CPNE7: variants seen among roughly 807,000 people sequenced by gnomAD.
CPNE7 encodes copine-7.
Under a neutral mutation model 66.5 loss-of-function variants are expected in CPNE7, and 78 were observed. The ratio of observed to expected loss-of-function variants is 1.17; its 90% confidence interval spans 0.98 to 1.42. The LOEUF is 1.42. Among genes scored for constraint, CPNE7 ranks in the 40% most tolerant of loss-of-function variants. The pLI is 0.00. For missense variants in CPNE7, 1,012 were observed against 776.6 expected, an observed-to-expected ratio of 1.30 and a Z score of -3.60; for synonymous variants, 468 against 336.7, an observed-to-expected ratio of 1.39 and a Z score of -4.27.
Position 89,588,740 on chromosome 16 carries a change from C to T in CPNE7, c.993C>T (p.Asn331=), listed in dbSNP as rs140287911. Residue 331 remains asparagine (N), a synonymous_variant, in exon 10 of 15, where the codon AAC becomes AAT. Transcript: ENST00000319518. ...PRNSCSLHYI[N]PYQPNEYLKA... Reference sequence around the variant, plus strand: ...ACAGCTGCTCCCTGCACTACATCAACCCCTACCAGCCGAACGAGTACCTGA... The same window carrying T: ...ACAGCTGCTCCCTGCACTACATCAATCCCTACCAGCCGAACGAGTACCTGA... 1.2e-4 allele frequency: 187 copies of T among 1,613,586 alleles called. No homozygotes were observed. Among genetic ancestry groups the T allele is most frequent in the Middle Eastern group, 6.6e-4 (4 of 6,080 alleles).
intron 2 of CPNE7, chr16:89,578,732 C>G: frequency 1.5e-6 from 2 of 1,339,266 alleles, no homozygotes; most frequent in South Asian, 1.8e-5. Flanking sequence ...TGCACTCCAG[C>G]CTGAGTGACA....
intron 14 of CPNE7, 23 bp downstream of exon 14, chr16:89,595,626 G>A (rs772446320): frequency 3.1e-5 from 49 of 1,577,694 alleles, no homozygotes; most frequent in Non-Finnish European, 3.6e-5. Context: ...GAGGGGCTCC[G>A]TCAAGGCCGG....
At position 89,587,317 on chromosome 16, in the gene CPNE7, C is replaced by CACCCGGAGGAGGAACCAGGCCAGATA. The variant is rs2059068646; in HGVS notation, c.927+215_927+216insACCCGGAGGAGGAACCAGGCCAGATA. On this transcript the variant is annotated intron_variant, in intron 9 of 14. Coordinates refer to ENST00000319518, the MANE Select transcript of CPNE7 (RefSeq NM_153636.3). ...GTCTGTGGCCCCGCCCATCCCCGCC[C>CACCCGGAGGAGGAACCAGGCCAGATA]CCTCAGTCCGTGGCCCCGCCCCCGC... Among the ~76,000 whole-genome samples the CACCCGGAGGAGGAACCAGGCCAGATA allele has an allele frequency of 9.8e-4, 4 of 4,062 alleles. 2 individuals are homozygous for CACCCGGAGGAGGAACCAGGCCAGATA. The highest frequency in any genetic ancestry group is 3.5e-3 in the African/African-American group (4 of 1,138). The allele number at this position is 4,062 out of a possible 152,430, so 2.7% of individuals were successfully genotyped here.
At chr16:89,578,839 G>A (rs933380879) in intron 2 of CPNE7, 16 of 1,604,514 alleles carry the variant, frequency 1.0e-5, no homozygotes, top group Non-Finnish European at 1.3e-5. Context: ...GATGCTCTCT[G>A]GGTTACGGCC....
intron 11 of CPNE7, 88 bp from the exon 12 acceptor site, chr16:89,590,919 G>A: frequency 1.4e-6 from 2 of 1,426,760 alleles, no homozygotes; most frequent in African/African-American, 1.5e-5. Context: ...TGGGGGCTGG[G>A]GACGGGGGGA....
At position 89,587,790 on chromosome 16, in the gene CPNE7, TCACCCA is replaced by T. The variant is rs1293814393; in HGVS notation, c.927+691_927+696del. 2.4e-4 allele frequency: 13 copies of T among 55,174 alleles called. 1 individual carries two copies. Among genetic ancestry groups the T allele is most frequent in the African/African-American group, 6.8e-4 (8 of 11,698 alleles). 3.4% of individuals were successfully genotyped at this position (55,174 alleles called of 1,614,324 possible). A position where few individuals can be genotyped will look rare whatever the true frequency, so the allele number is the denominator to read the frequency against. Reference sequence around the variant, plus strand: ...CACCCACAGAAACACGGCCCCCGTGTCACCCACAGATACACGGCCCCCCGTGTCACC... The same window carrying T: ...CACCCACAGAAACACGGCCCCCGTGTCAGATACACGGCCCCCCGTGTCACC... On this transcript the variant is annotated intron_variant, in intron 9 of 14. Coordinates refer to ENST00000319518, the MANE Select transcript of CPNE7 (RefSeq NM_153636.3).
At position 89,595,523 on chromosome 16, in the gene CPNE7, G is replaced by A. The variant is rs199914495; in HGVS notation, c.1459G>A (p.Asp487Asn). The A allele has an allele frequency of 6.9e-5, 112 of 1,612,616 alleles. No homozygotes were observed. Among genetic ancestry groups the A allele is most frequent in the African/African-American group, 4.0e-5 (3 of 75,072 alleles). The change falls in exon 14 of 15, where the codon GAC (aspartate) becomes AAC (asparagine). Residue 487 changes from aspartate (D) to asparagine (N), a missense_variant. By Grantham distance (23) the Asp-to-Asn change is conservative. Coordinates refer to ENST00000319518, the MANE Select transcript of CPNE7 (RefSeq NM_153636.3). ...CGACATGCAGGTCCTGGACGGCGACGACGGCGTCCTGCGCTCCCCACGGGG... is the reference window on the plus strand; with the variant it reads ...CGACATGCAGGTCCTGGACGGCGACAACGGCGTCCTGCGCTCCCCACGGGG... ...FTDMQVLDGD[D>N]GVLRSPRGEP...
intron 2 of CPNE7, among the ~76,000 whole-genome samples, chr16:89,579,289 C>CAA (rs202085684): frequency 4.0e-5 from 5 of 125,506 alleles, no homozygotes; most frequent in African/African-American, 8.6e-5. Flanking sequence ...GTCTTTGTCT[C>CAA]AAAAAAAAAA....
intron 10 of CPNE7, 111 bp downstream of exon 10, chr16:89,588,919 C>T (rs879224082): frequency 3.4e-5 from 47 of 1,387,918 alleles, no homozygotes; most frequent in Non-Finnish European, 4.0e-5. Flanking sequence ...ATGACAGGTG[C>T]ACCCGGCCGG....
rs777867654 is a variant in CPNE7 at position 89,584,892 on chromosome 16, A to AGGG, written c.591+37_591+39dup. On this transcript the variant is annotated intron_variant, in intron 5 of 14. Coordinates refer to ENST00000319518, the MANE Select transcript of CPNE7 (RefSeq NM_153636.3). The surrounding 1 kb of genome is among the most constrained non-coding windows in gnomAD (Gnocchi z 6.0). Reference sequence around the variant, plus strand: ...CGGGGATGGGAACACAGGGAGGGGAAGGGGCTGTCCCCAGCCCTCACGCAT... The same window carrying AGGG: ...CGGGGATGGGAACACAGGGAGGGGAAGGGGGGGCTGTCCCCAGCCCTCACGCAT... 3.1e-5 allele frequency: 49 copies of AGGG among 1,574,228 alleles called. No individual in the cohort carries two copies. Among genetic ancestry groups the AGGG allele is most frequent in the Non-Finnish European group, 4.3e-5 (49 of 1,146,190 alleles).
rs564908063 is a variant in CPNE7 at position 89,584,650 on chromosome 16, G to T, written c.508-124G>T. 33 of 730,238 alleles carry T rather than the reference G, an allele frequency of 4.5e-5. No individual in the cohort carries two copies. The highest frequency in any genetic ancestry group is 4.3e-4 in the East Asian group (16 of 37,078). The allele number at this position is 730,238 out of a possible 1,614,324, so 45.2% of individuals were successfully genotyped here. On this transcript the variant is annotated intron_variant, in intron 4 of 14. Coordinates refer to ENST00000319518, the MANE Select transcript of CPNE7 (RefSeq NM_153636.3). This position sits in a 1 kb window ranked among gnomAD's most constrained non-coding sequence, Gnocchi z 6.0. ...GCTGTCGGCGGGGACTGGCTGCCTC[G>T]TTTTGTGCCTGAGGAATTAGCGGCT...
In CPNE7 at chr16:89,584,930, G is replaced by A; in HGVS notation, c.591+73G>A. ...AGCCCTCACGCATCTCTGGCCACATGGGAGGAGCTCCCAGCCTCCAACAGG... is the reference window on the plus strand; with the variant it reads ...AGCCCTCACGCATCTCTGGCCACATAGGAGGAGCTCCCAGCCTCCAACAGG... On this transcript the variant is annotated intron_variant, in intron 5 of 14. Coordinates refer to ENST00000319518, the MANE Select transcript of CPNE7 (RefSeq NM_153636.3). The surrounding 1 kb of genome is among the most constrained non-coding windows in gnomAD (Gnocchi z 6.0). The A allele has an allele frequency of 7.5e-7, 1 of 1,341,230 alleles. No homozygotes were observed. Among genetic ancestry groups the A allele is most frequent in the Non-Finnish European group, 1.1e-6 (1 of 943,650 alleles). The allele number at this position is 1,341,230 out of a possible 1,614,324, so 83.1% of individuals were successfully genotyped here. A position where few individuals can be genotyped will look rare whatever the true frequency, so the allele number is the denominator to read the frequency against.
At position 89,596,696 on chromosome 16, in the gene CPNE7, C is replaced by A; in HGVS notation, c.*75C>A. On this transcript the variant is annotated 3_prime_UTR_variant, in exon 15 of 15. Coordinates refer to ENST00000319518, the MANE Select transcript of CPNE7 (RefSeq NM_153636.3). ...CTCTGTCTGCAACATGCTTGGGGTC[C>A]CTTAAGCTCCCTCCGACCTCCCAGA... 7.0e-7 allele frequency: 1 copy of A among 1,423,898 alleles called. No individual in the cohort carries two copies. Among genetic ancestry groups the A allele is most frequent in the Admixed American group, 2.7e-5 (1 of 37,236 alleles). The allele number at this position is 1,423,898 out of a possible 1,614,324, so 88.2% of individuals were successfully genotyped here.
At chr16:89,588,525 G>A in intron 9 of CPNE7, 150 bp from the exon 10 acceptor site, 1 of 895,048 alleles carries the variant, frequency 1.1e-6, no homozygotes, top group Non-Finnish European at 1.7e-6. Flanking sequence ...TAGCAGGTGG[G>A]TCAGCCCCAA....
At chr16:89,594,596 T>G (rs2059223443) in intron 13 of CPNE7, among the ~76,000 whole-genome samples, 1 of 151,594 alleles carries the variant, frequency 6.6e-6, no homozygotes, top group Admixed American at 6.6e-5. Flanking sequence ...TGAGTGGGGT[T>G]TTTTTTAAAC....
At position 89,588,936 on chromosome 16, in the gene CPNE7, C is replaced by T; in HGVS notation, c.1061+128C>T. ...GACAGGTGCACCCGGCCGGTTTTCC[C>T]TCACCCCCCTGGGCTCCAGGTCAGG... On this transcript the variant is annotated intron_variant, in intron 10 of 14. Transcript: ENST00000319518. The T allele has an allele frequency of 3.5e-6, 4 of 1,147,622 alleles. 1 individual carries two copies. In the African/African-American group the frequency reaches 4.6e-5, roughly 13 times the overall value. 71.1% of individuals were successfully genotyped at this position (1,147,622 alleles called of 1,614,324 possible). A position where few individuals can be genotyped will look rare whatever the true frequency, so the allele number is the denominator to read the frequency against.
chr16:89,593,181 C>T (rs966368633), intron 13 of CPNE7, among the ~76,000 whole-genome samples: 4 of 151,938 alleles, frequency 2.6e-5, no homozygotes, highest in African/African-American at 9.7e-5. Flanking sequence ...AAACATCACC[C>T]GTCTACTTAC....
chr16:89,587,488 C>T, intron 9 of CPNE7: 2 of 446,792 alleles, frequency 4.5e-6, no homozygotes, highest in South Asian at 3.1e-5. Flanking sequence ...GTTCAGGAAG[C>T]AGCCCCAAGC....
At position 89,592,857 on chromosome 16, in the gene CPNE7, G is replaced by T. The variant is rs1422947570; in HGVS notation, c.1302+1597G>T. On this transcript the variant is annotated intron_variant, in intron 13 of 14. Transcript: ENST00000319518. ...GATGGAGTTTTACTCTTGTCACCCA[G>T]GCTGGAGTGCAGTGACGTGATCTCG... Among the ~76,000 whole-genome samples, 4 of 120,568 alleles carry T rather than the reference G, an allele frequency of 3.3e-5. No homozygotes were observed. The East Asian group carries it at 1.0e-3, about 30-fold the overall frequency. 79.1% of individuals were successfully genotyped at this position (120,568 alleles called of 152,430 possible). A position where few individuals can be genotyped will look rare whatever the true frequency, so the allele number is the denominator to read the frequency against.
Sources: allele counts gnomAD v4.1 joint callset (sites outside exome capture counted in the v4.1 genomes callset), GRCh38; gene constraint gnomAD v4.1.1; non-coding constraint Gnocchi (gnomAD v3.1); transcripts MANE v1.5; gene names NCBI Gene and HGNC (gene_info 2026-07-23, HGNC 2026-07-21).